MGMT: variants seen among roughly 807,000 people sequenced by gnomAD.
MGMT encodes the protein methylated-DNA--protein-cysteine methyltransferase.
A neutral mutation model predicts 15.9 loss-of-function variants in MGMT; 14 were observed. That is an observed-to-expected ratio of 0.88 (90% CI 0.58 to 1.37). The LOEUF (loss-of-function observed/expected upper bound fraction) is 1.37. Ranked by LOEUF, MGMT falls within the 40% of genes most tolerant of loss-of-function variation. The pLI, the probability that MGMT is intolerant of heterozygous loss-of-function variation, is 0.00. For missense variants in MGMT, 282 were observed against 268.1 expected, an observed-to-expected ratio of 1.05 and a Z score of -0.36; for synonymous variants, 130 against 118.2, an observed-to-expected ratio of 1.10 and a Z score of -0.65.
At chr10:129,489,706 CTTAT>C (rs1845448724) in intron 1 of MGMT, among the ~76,000 whole-genome samples, 1 of 152,000 alleles carries the variant, frequency 6.6e-6, no homozygotes, top group South Asian at 2.1e-4. Flanking sequence ...TCCCCGTGTC[CTTAT>C]TTTTTGTTGT....
At chr10:129,673,522 T>C (rs2133114366) in intron 2 of MGMT, among the ~76,000 whole-genome samples, 1 of 152,256 alleles carries the variant, frequency 6.6e-6, no homozygotes, top group South Asian at 2.1e-4. Flanking sequence ...AGCTGGCAAA[T>C]GAAGCTGAGC....
intron 3 of MGMT, among the ~76,000 whole-genome samples, chr10:129,736,401 T>G (rs1282246471): frequency 6.6e-6 from 1 of 151,116 alleles, no homozygotes; most frequent in South Asian, 2.1e-4. Context: ...TTTTTTTGTT[T>G]TCCATTTGCT....
intron 2 of MGMT, among the ~76,000 whole-genome samples, chr10:129,561,780 T>C (rs1805916423): frequency 6.6e-6 from 1 of 152,196 alleles, no homozygotes; most frequent in Non-Finnish European, 1.5e-5. Context: ...TTGTGCTACA[T>C]TGACCAGGTC....
intron 2 of MGMT, among the ~76,000 whole-genome samples, chr10:129,572,888 A>G (rs762258301): frequency 7.9e-5 from 12 of 152,146 alleles, no homozygotes; most frequent in Non-Finnish European, 1.8e-4. Flanking sequence ...ATATACATTT[A>G]AAGTCTCCCG....
chr10:129,529,537 C>T (rs1589852291), intron 1 of MGMT, among the ~76,000 whole-genome samples: 1 of 152,196 alleles, frequency 6.6e-6, no homozygotes, highest in East Asian at 1.9e-4. Flanking sequence ...CGTTTCCTAA[C>T]AGGCCACGGA....
At chr10:129,762,589 G>A (rs766438710) in intron 4 of MGMT, among the ~76,000 whole-genome samples, 1 of 152,072 alleles carries the variant, frequency 6.6e-6, no homozygotes. Flanking sequence ...AACTCCTCAC[G>A]ACCCACCCCC....
intron 2 of MGMT, among the ~76,000 whole-genome samples, chr10:129,698,280 T>C (rs1224418353): frequency 6.6e-6 from 1 of 152,176 alleles, no homozygotes; most frequent in Admixed American, 6.5e-5. Flanking sequence ...ACACCAGCGG[T>C]TGACCAGATG....
At chr10:129,597,058 A>C (rs1478490195) in intron 2 of MGMT, among the ~76,000 whole-genome samples, 3 of 152,158 alleles carry the variant, frequency 2.0e-5, no homozygotes, top group Non-Finnish European at 4.4e-5. Flanking sequence ...GTAGATTGTT[A>C]GGATAAATGA....
In MGMT at chr10:129,647,031, G is replaced by A. The variant is rs184857804; in HGVS notation, c.126-60864G>A. On this transcript the variant is annotated intron_variant, in intron 2 of 4. Transcript: ENST00000651593. ...GTTCCCTTCCATTTTCCTCCCAGCC[G>A]CTCAGTCCAGGTGTGTGTCAGTTTG... Among the ~76,000 whole-genome samples the A allele has an allele frequency of 3.6e-3, 542 of 151,984 alleles. 3 individuals carry two copies. The highest frequency in any genetic ancestry group is 0.012 in the African/African-American group (511 of 41,464).
chr10:129,643,524 A>G (rs2133091621), intron 2 of MGMT, among the ~76,000 whole-genome samples: 1 of 152,248 alleles, frequency 6.6e-6, no homozygotes, highest in East Asian at 1.9e-4. Context: ...CCTGGGCTTG[A>G]GAGTCGAGCT....
At chr10:129,608,225 G>A (rs513736) in intron 2 of MGMT, among the ~76,000 whole-genome samples, 62,427 of 152,132 alleles carry the variant, frequency 0.41, 13,967 homozygotes, top group East Asian at 0.63. Context: ...TAAAGAGGCT[G>A]TTGAATTTAC....
intron 2 of MGMT, among the ~76,000 whole-genome samples, chr10:129,664,097 G>T (rs903654575): frequency 1.3e-5 from 2 of 152,126 alleles, no homozygotes; most frequent in Non-Finnish European, 2.9e-5. Context: ...CTCATTAGTA[G>T]TATAATATAC....
chr10:129,644,553 T>G lies in MGMT; in HGVS notation c.126-63342T>G, dbSNP rs558485862. ...CATGAGCCCATCCAGAGTGCTTGGG[T>G]TCCCCCCCTGAGGCCTGGTGAGAGC... On this transcript the variant is annotated intron_variant, in intron 2 of 4. Coordinates refer to ENST00000651593, the MANE Select transcript of MGMT (RefSeq NM_002412.5). Among the ~76,000 whole-genome samples, 520 of 151,136 alleles carry G rather than the reference T, an allele frequency of 3.4e-3. 2 individuals carry two copies. The highest frequency in any genetic ancestry group is 0.012 in the African/African-American group (491 of 40,910).
At chr10:129,518,895 A>G (rs986188219) in intron 1 of MGMT, among the ~76,000 whole-genome samples, 1 of 151,908 alleles carries the variant, frequency 6.6e-6, no homozygotes, top group East Asian at 2.0e-4. Flanking sequence ...TCAGCTGTAT[A>G]CATACATATT....
chr10:129,517,569 G>A (rs56341642), intron 1 of MGMT, among the ~76,000 whole-genome samples: 2 of 152,062 alleles, frequency 1.3e-5, no homozygotes, highest in African/African-American at 2.4e-5. Flanking sequence ...GTGTCACGGC[G>A]TCACACATGG....
chr10:129,662,731 G>A (rs567744723), intron 2 of MGMT, among the ~76,000 whole-genome samples: 6 of 152,182 alleles, frequency 3.9e-5, no homozygotes, highest in Non-Finnish European at 7.4e-5. Context: ...AGGGATGGGC[G>A]GTGATTAATC....
chr10:129,759,756 C>T (rs548524113), intron 4 of MGMT, among the ~76,000 whole-genome samples: 2 of 152,204 alleles, frequency 1.3e-5, no homozygotes, highest in African/African-American at 4.8e-5. Context: ...TGCGAGGTGC[C>T]TGCATCCTAG....
intron 1 of MGMT, among the ~76,000 whole-genome samples, chr10:129,490,960 G>A (rs983630860): frequency 9.9e-5 from 15 of 152,114 alleles, no homozygotes; most frequent in African/African-American, 3.6e-4. Flanking sequence ...TTTACAAAAT[G>A]TTAGTCATTT....
At chr10:129,746,883 G>GT (rs1007885659) in intron 3 of MGMT, among the ~76,000 whole-genome samples, 48 of 152,172 alleles carry the variant, frequency 3.2e-4, no homozygotes, top group Middle Eastern at 3.4e-3. Context: ...TTCTTCTAGG[G>GT]TTTTTTAATT....
Sources: gnomAD v4.1 joint callset for allele counts (sites outside exome capture counted in the v4.1 genomes callset) on GRCh38, gnomAD v4.1.1 for gene constraint, MANE v1.5 for transcripts, NCBI Gene and HGNC (gene_info 2026-07-23, HGNC 2026-07-21) for gene names.